Variants in HBS1L observed in about 807,000 individuals in gnomAD.
HBS1L encodes the protein HBS1 like translational GTPase.
Under a neutral mutation model 88.9 loss-of-function variants are expected in HBS1L, and 55 were observed. The ratio of observed to expected loss-of-function variants is 0.62; its 90% CI spans 0.50 to 0.77. HBS1L has a LOEUF of 0.77. HBS1L is among the 30% of genes least tolerant of loss of function. The pLI is 0.00. For missense variants in HBS1L, 741 were observed against 829.3 expected, an observed-to-expected ratio of 0.89 and a Z score of 1.31; for synonymous variants, 267 against 288.5, an observed-to-expected ratio of 0.93 and a Z score of 0.76.
chr6:134,976,721 G>T (rs1231229004), intron 15 of HBS1L, among the ~76,000 whole-genome samples: 1 of 152,026 alleles, frequency 6.6e-6, no homozygotes, highest in African/African-American at 2.4e-5. Context: ...AAGACATACA[G>T]AACAGTATAG....
At chr6:134,968,932 T>C (rs1309204037) in intron 16 of HBS1L, among the ~76,000 whole-genome samples, 1 of 152,156 alleles carries the variant, frequency 6.6e-6, no homozygotes, top group African/African-American at 2.4e-5. Context: ...TGCCCTTATT[T>C]TCACATAATC....
At chr6:135,004,370 G>A (rs1163119436) in intron 4 of HBS1L, among the ~76,000 whole-genome samples, 2 of 152,006 alleles carry the variant, frequency 1.3e-5, no homozygotes, top group Non-Finnish European at 2.9e-5. Context: ...GCTTCTCTAG[G>A]AAAGTGAGAA....
chr6:135,012,316 A>C (rs928982890), intron 4 of HBS1L, among the ~76,000 whole-genome samples: 2 of 152,232 alleles, frequency 1.3e-5, no homozygotes, highest in African/African-American at 4.8e-5. Flanking sequence ...CCTATATCAT[A>C]TCACTATGCA....
chr6:135,054,313 C>A (rs1018336963), intron 1 of HBS1L, among the ~76,000 whole-genome samples: 1 of 152,204 alleles, frequency 6.6e-6, no homozygotes, highest in African/African-American at 2.4e-5. Flanking sequence ...GAAGCAGGCA[C>A]GTTAGTGCCC....
At position 134,965,284 on chromosome 6, in the gene HBS1L, CTTTT is replaced by C. The variant is rs1774278633; in HGVS notation, c.2046_2049del (p.Ile682MetfsTer15). 2 of 1,552,394 alleles carry C rather than the reference CTTTT, an allele frequency of 1.3e-6. No individual in the cohort carries two copies. Among genetic ancestry groups the C allele is most frequent in the South Asian group, 2.3e-5 (2 of 86,946 alleles). On this transcript the variant is annotated frameshift_variant and splice_region_variant, in exon 18 of 18. Transcript: ENST00000367837. LOFTEE classifies it high-confidence loss of function. ...GTGGTAGAAATTCTGACCCATCATT[CTTTT>C]ATCTGTTAAAACAAAAAAAAAAAAG...
At chr6:135,025,523 G>A (rs967817036) in intron 4 of HBS1L, among the ~76,000 whole-genome samples, 1 of 152,116 alleles carries the variant, frequency 6.6e-6, no homozygotes, top group African/African-American at 2.4e-5. Flanking sequence ...TGACAATGCT[G>A]ACAAAACTGC....
rs1256554500 is a variant in HBS1L, at chr6:134,962,987, T to TA, written c.*2291dup. On this transcript the variant is annotated 3_prime_UTR_variant, in exon 18 of 18. Coordinates refer to ENST00000367837, the MANE Select transcript of HBS1L (RefSeq NM_006620.4). ...AAAATGCAAATAAAAAGATTGTACT[T>TA]AAACACTATTGGAGAAGGAAGGAAT... 4 of 152,244 alleles carry TA rather than the reference T, an allele frequency of 2.6e-5. No homozygotes were observed. The highest frequency in any genetic ancestry group is 4.4e-5 in the Non-Finnish European group (3 of 68,046). 9.4% of individuals were successfully genotyped at this position (152,244 alleles called of 1,614,324 possible). A position where few individuals can be genotyped will look rare whatever the true frequency, so the allele number is the denominator to read the frequency against.
intron 12 of HBS1L, among the ~76,000 whole-genome samples, chr6:134,984,114 G>C (rs1415067256): frequency 6.6e-6 from 1 of 152,170 alleles, no homozygotes; most frequent in East Asian, 1.9e-4. Context: ...AGGTGAGAAA[G>C]TACAGTCAGC....
intron 4 of HBS1L, among the ~76,000 whole-genome samples, chr6:135,006,668 A>T (rs1184064346): frequency 2.0e-5 from 3 of 152,224 alleles, no homozygotes; most frequent in Non-Finnish European, 4.4e-5. Flanking sequence ...AGGAAAATAG[A>T]TTGAGAATTA....
Position 134,987,719 on chromosome 6 carries a change from T to C in HBS1L, c.1156A>G (p.Thr386Ala). 6.2e-7 allele frequency: 1 copy of C among 1,609,586 alleles called. No homozygotes were observed. Among genetic ancestry groups the C allele is most frequent in the South Asian group, 1.1e-5 (1 of 90,404 alleles). The change falls in exon 9 of 18, where the codon ACA (threonine) becomes GCA (alanine). Residue 386 changes from threonine (T) to alanine (A), a missense_variant. Physicochemically the swap from Thr to Ala is moderately conservative, Grantham distance 58 (BLOSUM62 0). Transcript: ENST00000367837. ...FEAGFETGGQ[T>A]REHGLLVRSL... Reference sequence around the variant, plus strand: ...CGGACCAAGAGTCCATGCTCTCGTGTTTGTCCTCCAGTCTCAAATCCAGCT... The same window carrying C: ...CGGACCAAGAGTCCATGCTCTCGTGCTTGTCCTCCAGTCTCAAATCCAGCT...
chr6:134,965,472 T>C (rs554760391), intron 17 of HBS1L, among the ~76,000 whole-genome samples, 182 bp from the exon 18 acceptor site: 13 of 152,344 alleles, frequency 8.5e-5, no homozygotes, highest in African/African-American at 2.6e-4. Context: ...CTCTCCATTA[T>C]TCTCCACAAA....
intron 15 of HBS1L, among the ~76,000 whole-genome samples, chr6:134,971,587 A>C (rs1011777566): frequency 6.6e-6 from 1 of 152,190 alleles, no homozygotes; most frequent in Non-Finnish European, 1.5e-5. Flanking sequence ...TCATCTCCTC[A>C]GTATCTTGCA....
intron 4 of HBS1L, among the ~76,000 whole-genome samples, chr6:135,021,959 A>C (rs187364289): frequency 3.9e-4 from 60 of 152,304 alleles, no homozygotes; most frequent in African/African-American, 1.4e-3. Flanking sequence ...ACAACCAAGA[A>C]AAAGCAGCAG....
chr6:134,979,088 A>G, intron 14 of HBS1L, 90 bp downstream of exon 14: 3 of 870,526 alleles, frequency 3.4e-6, no homozygotes, highest in Non-Finnish European at 5.6e-6. Flanking sequence ...ATGAAATTCA[A>G]AATTGAACTA....
intron 7 of HBS1L, among the ~76,000 whole-genome samples, chr6:134,995,468 TATGAA>T (rs1286536820): frequency 1.3e-5 from 2 of 151,746 alleles, no homozygotes; most frequent in Non-Finnish European, 2.9e-5. Context: ...GCAGCAAAAA[TATGAA>T]AGCCAATCAA....
Position 135,013,128 on chromosome 6 carries a change from T to G in HBS1L, c.431-10286A>C, listed in dbSNP as rs151224940. ...GGCCTTGCCACTGCATGACCTCAAG[T>G]GAATCACTCAACTTTTCTCTATGCC... On this transcript the variant is annotated intron_variant, in intron 4 of 17. Coordinates refer to ENST00000367837, the MANE Select transcript of HBS1L (RefSeq NM_006620.4). 2.2e-4 allele frequency among the ~76,000 whole-genome samples: 33 copies of G among 152,296 alleles called. 1 individual carries two copies. The East Asian group carries it at 6.4e-3, about 29-fold the overall frequency.
intron 4 of HBS1L, among the ~76,000 whole-genome samples, chr6:135,018,730 T>C (rs1775991511): frequency 6.6e-6 from 1 of 151,898 alleles, no homozygotes; most frequent in South Asian, 2.1e-4. Context: ...AACAAGGCCT[T>C]TTTGCTTTAC....
intron 4 of HBS1L, chr6:135,036,397 TAAAA>T: frequency 2.5e-6 from 3 of 1,220,646 alleles, no homozygotes; most frequent in African/African-American, 3.2e-5. Context: ...AAGACATAGT[TAAAA>T]AAAAAATCAG....
chr6:134,999,058 G>A (rs943468679), intron 5 of HBS1L, among the ~76,000 whole-genome samples: 1 of 152,216 alleles, frequency 6.6e-6, no homozygotes, highest in Non-Finnish European at 1.5e-5. Context: ...ATACTTAGAA[G>A]AATTTTTAAA....
Sources: allele counts gnomAD v4.1 joint callset (sites outside exome capture counted in the v4.1 genomes callset), GRCh38; gene constraint gnomAD v4.1.1; transcripts MANE v1.5; gene names NCBI Gene and HGNC (gene_info 2026-07-23, HGNC 2026-07-21).